The following SMOC2 variants were observed in gnomAD, a reference collection of about 807,000 sequenced individuals.
SMOC2 encodes the protein SPARC related modular calcium binding 2.
SMOC2 carries 39 observed loss-of-function variants against 61.4 expected under a neutral mutation model. That is an observed-to-expected ratio of 0.64 (90% CI 0.49 to 0.83). The LOEUF (loss-of-function observed/expected upper bound fraction) is 0.83. Among genes scored for constraint, SMOC2 ranks in the 40% least tolerant of loss-of-function variants. The probability of loss-of-function intolerance (pLI) is 0.00; values close to 1 mark genes in which losing one functional copy is unlikely to be tolerated. For synonymous variants in SMOC2, 247 were observed against 239.9 expected (o/e 1.03, Z -0.27); for missense variants, 556 against 592.9 (o/e 0.94, Z 0.65).
rs376500358 is a variant in SMOC2 at position 168,580,405 on chromosome 6, G to C, written c.638-18413G>C. 2.6e-5 allele frequency among the ~76,000 whole-genome samples: 4 copies of C among 152,216 alleles called. 1 individual carries two copies. In the South Asian group the frequency reaches 8.3e-4, roughly 32 times the overall value. ...CGAGGCTGGGAGAGGCAGGGGTGCC[G>C]TTTTAGGGACGGAGGCACCTGTCAC... On this transcript the variant is annotated intron_variant, in intron 7 of 12. Coordinates refer to ENST00000356284, the MANE Select transcript of SMOC2 (RefSeq NM_001166412.2).
chr6:168,479,669 G>A (rs1782165430), intron 1 of SMOC2, among the ~76,000 whole-genome samples: 1 of 152,258 alleles, frequency 6.6e-6, no homozygotes, highest in Non-Finnish European at 1.5e-5. Flanking sequence ...CAGGCTGCAT[G>A]CAGTTTGTGA....
rs1304752946 is a variant in SMOC2, at chr6:168,521,921, G to GTTCT, written c.257-4418_257-4415dup. Among the ~76,000 whole-genome samples, 450 of 152,240 alleles carry GTTCT rather than the reference G, an allele frequency of 3.0e-3. 4 individuals are homozygous for GTTCT. The highest frequency in any genetic ancestry group is 0.021 in the East Asian group (111 of 5,168). On this transcript the variant is annotated intron_variant, in intron 2 of 12. Transcript: ENST00000356284. Reference sequence around the variant, plus strand: ...GTGATGCCTTGCTAAGCAATGATGAGTTCTTTCTTTATAAAGTCCCGGCTC... The same window carrying GTTCT: ...GTGATGCCTTGCTAAGCAATGATGAGTTCTTTCTTTCTTTATAAAGTCCCGGCTC...
intron 2 of SMOC2, among the ~76,000 whole-genome samples, chr6:168,519,294 T>C (rs1365344773): frequency 6.6e-6 from 1 of 152,068 alleles, no homozygotes; most frequent in Non-Finnish European, 1.5e-5. Context: ...TGTCCGTGAT[T>C]CTTTCTGTGC....
chr6:168,511,352 G>A (rs6908783), intron 2 of SMOC2, among the ~76,000 whole-genome samples: 60,655 of 151,898 alleles, frequency 0.4, 13,389 homozygotes, highest in East Asian at 0.59. Flanking sequence ...GGAAGCAAAC[G>A]CATCCTTCTT....
chr6:168,631,880 C>T (rs1786579296), intron 9 of SMOC2, among the ~76,000 whole-genome samples: 1 of 152,142 alleles, frequency 6.6e-6, no homozygotes, highest in Non-Finnish European at 1.5e-5. Flanking sequence ...AGTTCATTTC[C>T]TGCACACAGC....
At chr6:168,658,141 C>G (rs1167120177) in intron 11 of SMOC2, among the ~76,000 whole-genome samples, 1 of 152,108 alleles carries the variant, frequency 6.6e-6, no homozygotes, top group Non-Finnish European at 1.5e-5. Context: ...GCAGCTGGGG[C>G]CAGGGAACCA....
intron 2 of SMOC2, among the ~76,000 whole-genome samples, chr6:168,523,000 A>G (rs1783365615): frequency 6.6e-6 from 1 of 151,716 alleles, no homozygotes; most frequent in South Asian, 2.1e-4. Context: ...CAACACTATG[A>G]ATGTGCTACA....
intron 9 of SMOC2, among the ~76,000 whole-genome samples, chr6:168,636,058 A>G (rs973094247): frequency 5.3e-5 from 8 of 152,170 alleles, no homozygotes; most frequent in Admixed American, 6.5e-5. Context: ...GAGGAATAGC[A>G]TGTCTGTTGT....
At chr6:168,600,474 G>A (rs1279831190) in intron 8 of SMOC2, among the ~76,000 whole-genome samples, 7 of 146,824 alleles carry the variant, frequency 4.8e-5, no homozygotes, top group African/African-American at 1.3e-4. Flanking sequence ...GAAACTGGAG[G>A]AAACCATTTC....
chr6:168,610,641 C>T (rs1270643700), intron 9 of SMOC2, among the ~76,000 whole-genome samples: 3 of 152,202 alleles, frequency 2.0e-5, no homozygotes, highest in Non-Finnish European at 4.4e-5. Flanking sequence ...AATATTTTCA[C>T]ACAAAATTCA....
chr6:168,483,567 C>T (rs1782261481), intron 1 of SMOC2, among the ~76,000 whole-genome samples: 1 of 152,032 alleles, frequency 6.6e-6, no homozygotes, highest in South Asian at 2.1e-4. Flanking sequence ...TATCAAAATT[C>T]CAAAAACATT....
In SMOC2 at chr6:168,488,720, TATATC is replaced by T. The variant is rs1408522338; in HGVS notation, c.85-21193_85-21189del. Among the ~76,000 whole-genome samples the T allele has an allele frequency of 2.0e-5, 3 of 152,000 alleles. 1 individual carries two copies. Among genetic ancestry groups the T allele is most frequent in the Non-Finnish European group, 1.5e-5 (1 of 68,006 alleles). On this transcript the variant is annotated intron_variant, in intron 1 of 12. Coordinates refer to ENST00000356284, the MANE Select transcript of SMOC2 (RefSeq NM_001166412.2). ...TGCATCACACAGTTTTAGAAGGAAA[TATATC>T]AAATCGTCTGGGTCCCCTTGGATCA... is the stretch of plus-strand genomic sequence containing the variant.
At chr6:168,614,198 G>T (rs1245397939) in intron 9 of SMOC2, among the ~76,000 whole-genome samples, 2 of 68,422 alleles carry the variant, frequency 2.9e-5, no homozygotes, top group Admixed American at 1.6e-4. Flanking sequence ...CCTACAGCCA[G>T]CACAGAGCCT....
At chr6:168,570,921 A>G (rs1784649784) in intron 7 of SMOC2, among the ~76,000 whole-genome samples, 2 of 152,086 alleles carry the variant, frequency 1.3e-5, no homozygotes, top group Admixed American at 1.3e-4. Context: ...TTCTCTCCTC[A>G]TCCCTTCATC....
At chr6:168,502,458 C>T (rs1015204550) in intron 1 of SMOC2, among the ~76,000 whole-genome samples, 2 of 152,194 alleles carry the variant, frequency 1.3e-5, no homozygotes, top group African/African-American at 2.4e-5. Context: ...CCACCTTCTG[C>T]GTATTTATTG....
intron 7 of SMOC2, among the ~76,000 whole-genome samples, chr6:168,598,451 C>T (rs1195798241): frequency 3.9e-5 from 6 of 152,216 alleles, no homozygotes; most frequent in African/African-American, 4.8e-5. Flanking sequence ...AGACTTCCAG[C>T]CACAGGGCTG....
intron 5 of SMOC2, among the ~76,000 whole-genome samples, chr6:168,546,251 GA>G (rs143673157): frequency 0.016 from 1,080 of 66,420 alleles, 16 homozygotes; most frequent in Middle Eastern, 0.024. Flanking sequence ...AAGCTTCAGT[GA>G]AAAAAAAAAA....
At position 168,598,711 on chromosome 6, in the gene SMOC2, A is replaced by G. The variant is rs562149573; in HGVS notation, c.638-107A>G. On this transcript the variant is annotated intron_variant, in intron 7 of 12. Transcript: ENST00000356284. ...GGCAGGCCCTCCTGCTCCGGGGTGAAGGAGGACCACATCGTTCTTGGCAGT... is the reference window on the plus strand; with the variant it reads ...GGCAGGCCCTCCTGCTCCGGGGTGAGGGAGGACCACATCGTTCTTGGCAGT... 8.4e-5 allele frequency: 111 copies of G among 1,317,656 alleles called. 2 individuals are homozygous for G. The South Asian group carries it at 1.3e-3, about 16-fold the overall frequency. 81.6% of individuals were successfully genotyped at this position (1,317,656 alleles called of 1,614,324 possible).
intron 1 of SMOC2, among the ~76,000 whole-genome samples, chr6:168,461,087 GT>G (rs1257184314): frequency 6.6e-6 from 1 of 152,176 alleles, no homozygotes; most frequent in Non-Finnish European, 1.5e-5. Flanking sequence ...AAAGAAAGAA[GT>G]TTAATGGGCT....
Sources: gnomAD v4.1 joint callset for allele counts (sites outside exome capture counted in the v4.1 genomes callset) on GRCh38, gnomAD v4.1.1 for gene constraint, MANE v1.5 for transcripts, NCBI Gene and HGNC (gene_info 2026-07-23, HGNC 2026-07-21) for gene names.